Variants in ACTL8 observed in about 807,000 individuals in gnomAD.
The protein encoded by ACTL8 is actin like 8, also known as actin-like protein 8.
Under a neutral mutation model 9.3 loss-of-function variants are expected in ACTL8, and 3 were observed. The observed-to-expected ratio is 0.32, with a 90% CI of 0.15 to 0.83. The LOEUF (loss-of-function observed/expected upper bound fraction) is 0.83. Ranked by LOEUF, ACTL8 falls within the 40% of genes least tolerant of loss-of-function variation. The pLI is 0.57. For missense variants in ACTL8, 381 were observed against 492.2 expected, an observed-to-expected ratio of 0.77 and a Z score of 2.14; for synonymous variants, 224 against 205.9, an observed-to-expected ratio of 1.09 and a Z score of -0.75.
chr1:17,796,605 C>A (rs187802802), intron 1 of ACTL8, among the ~76,000 whole-genome samples: 110 of 152,350 alleles, frequency 7.2e-4, no homozygotes, highest in Non-Finnish European at 1.3e-3. Flanking sequence ...CCTCCACCCC[C>A]TCTGGGGTAA....
At chr1:17,799,498 G>T (rs995805344) in intron 1 of ACTL8, among the ~76,000 whole-genome samples, 4 of 150,652 alleles carry the variant, frequency 2.7e-5, no homozygotes, top group African/African-American at 2.4e-5. Context: ...TTCGTTCCAT[G>T]TCATTTTTAG....
intron 1 of ACTL8, among the ~76,000 whole-genome samples, chr1:17,799,053 T>C (rs568855675): frequency 1.3e-5 from 2 of 152,334 alleles, no homozygotes; most frequent in African/African-American, 2.4e-5. Context: ...GTCCCCTCTC[T>C]GGTTTTCCAC....
intron 1 of ACTL8, among the ~76,000 whole-genome samples, chr1:17,762,242 CT>C (rs919819496): frequency 3.4e-4 from 51 of 152,148 alleles, no homozygotes; most frequent in Non-Finnish European, 6.6e-4. Flanking sequence ...AGATATAGGG[CT>C]CCGGGGCCTG....
At chr1:17,757,307 A>C in intron 1 of ACTL8, among the ~76,000 whole-genome samples, 1 of 152,212 alleles carries the variant, frequency 6.6e-6, no homozygotes, top group East Asian at 1.9e-4. Flanking sequence ...GCTGAAAATA[A>C]AACAAAAAAT....
At chr1:17,760,068 A>G (rs1310434036) in intron 1 of ACTL8, among the ~76,000 whole-genome samples, 6 of 152,048 alleles carry the variant, frequency 3.9e-5, no homozygotes, top group African/African-American at 7.3e-5. Flanking sequence ...GACATTTCCA[A>G]TTTGGGGCTA....
intron 2 of ACTL8, among the ~76,000 whole-genome samples, chr1:17,825,057 G>A (rs1039580410): frequency 4.2e-5 from 6 of 141,478 alleles, no homozygotes; most frequent in Admixed American, 1.4e-4. Flanking sequence ...TGGGGAGGCT[G>A]CCAGAGCTGA....
rs531191169 is a variant in ACTL8, at chr1:17,776,732, G to A, written c.-25+21228G>A. Reference sequence around the variant, plus strand: ...TTTAAATAAGGCCGATTCTAGCACCGGTCCCTAGGGTTACCTCCTGTTTTA... The same window carrying A: ...TTTAAATAAGGCCGATTCTAGCACCAGTCCCTAGGGTTACCTCCTGTTTTA... On this transcript the variant is annotated intron_variant, in intron 1 of 2. Coordinates refer to ENST00000375406, the MANE Select transcript of ACTL8 (RefSeq NM_030812.3). 2.6e-5 allele frequency among the ~76,000 whole-genome samples: 4 copies of A among 152,162 alleles called. No homozygotes were observed. The South Asian group carries it at 6.2e-4, about 24-fold the overall frequency.
At chr1:17,757,616 C>A (rs1040837211) in intron 1 of ACTL8, among the ~76,000 whole-genome samples, 2 of 152,162 alleles carry the variant, frequency 1.3e-5, no homozygotes, top group African/African-American at 4.8e-5. Flanking sequence ...TCATCACAGC[C>A]ACCTGCTGTT....
intron 1 of ACTL8, among the ~76,000 whole-genome samples, chr1:17,785,847 C>T (rs1050847136): frequency 4.6e-5 from 7 of 152,150 alleles, no homozygotes; most frequent in African/African-American, 7.2e-5. Flanking sequence ...TTCCTTGGGT[C>T]GGGAGCCCAG....
chr1:17,774,519 G>A (rs993495492), intron 1 of ACTL8, among the ~76,000 whole-genome samples: 1 of 152,168 alleles, frequency 6.6e-6, no homozygotes. Flanking sequence ...AAGGCCCACT[G>A]AGAAGGTGCC....
intron 1 of ACTL8, among the ~76,000 whole-genome samples, chr1:17,762,128 G>A (rs769831483): frequency 1.1e-4 from 17 of 152,220 alleles, no homozygotes; most frequent in East Asian, 1.9e-4. Context: ...GGGGAGAGCC[G>A]TGAGATGGTT....
In ACTL8 at chr1:17,825,808, C is replaced by G; in HGVS notation, c.390C>G (p.Ala130=). ...TGCATGTCCCATCGGTCCTCCTGGCCGACCAGCTGCAGATGTCCCTGTATG... is the reference window on the plus strand; with the variant it reads ...TGCATGTCCCATCGGTCCTCCTGGCGGACCAGCTGCAGATGTCCCTGTATG... ...ELLHVPSVLL[A]DQLQMSLYAS... Residue 130 remains alanine (A), a synonymous_variant, in exon 3 of 3, where the codon GCC becomes GCG. Transcript: ENST00000375406. The G allele has an allele frequency of 1.2e-6, 2 of 1,613,962 alleles. No individual in the cohort carries two copies. Among genetic ancestry groups the G allele is most frequent in the East Asian group, 4.5e-5 (2 of 44,874 alleles).
In ACTL8 at chr1:17,803,670, A is replaced by T. The variant is rs114190033; in HGVS notation, c.-24-19315A>T. The stretch of plus-strand genomic sequence containing the variant: ...TATTTAGCAGCATGAGGACGGACTA[A>T]TACACCTGCCAAGGGTATAAGTGGG... On this transcript the variant is annotated intron_variant, in intron 1 of 2. Coordinates refer to ENST00000375406, the MANE Select transcript of ACTL8 (RefSeq NM_030812.3). Among the ~76,000 whole-genome samples, 552 of 152,288 alleles carry T rather than the reference A, an allele frequency of 3.6e-3. 2 individuals are homozygous for T. The highest frequency in any genetic ancestry group is 0.013 in the African/African-American group (524 of 41,554).
intron 1 of ACTL8, among the ~76,000 whole-genome samples, chr1:17,817,784 T>TC (rs2066437944): frequency 6.6e-6 from 1 of 151,588 alleles, no homozygotes; most frequent in Admixed American, 6.6e-5. Flanking sequence ...CACTGCACCC[T>TC]CCATCTCCTG....
At chr1:17,778,457 C>T (rs1258993671) in intron 1 of ACTL8, among the ~76,000 whole-genome samples, 1 of 152,040 alleles carries the variant, frequency 6.6e-6, no homozygotes, top group Non-Finnish European at 1.5e-5. Context: ...AAGACTAGAA[C>T]TGATGTCTAG....
chr1:17,784,883 G>A (rs1252733541), intron 1 of ACTL8, among the ~76,000 whole-genome samples: 9 of 152,202 alleles, frequency 5.9e-5, no homozygotes, highest in Non-Finnish European at 1.3e-4. Flanking sequence ...AAAGAAAGAA[G>A]TTGAATTGGA....
chr1:17,805,019 G>A (rs990364679), intron 1 of ACTL8, among the ~76,000 whole-genome samples: 8 of 152,130 alleles, frequency 5.3e-5, no homozygotes, highest in African/African-American at 9.6e-5. Flanking sequence ...GTGGCTCTCC[G>A]TCTCCCTAGG....
intron 1 of ACTL8, among the ~76,000 whole-genome samples, chr1:17,803,014 T>C (rs1367982917): frequency 2.0e-5 from 3 of 152,140 alleles, no homozygotes; most frequent in South Asian, 4.2e-4. Flanking sequence ...AACAGTGATA[T>C]CTGCTGCTAT....
At chr1:17,800,448 G>C (rs1198133502) in intron 1 of ACTL8, among the ~76,000 whole-genome samples, 3 of 152,106 alleles carry the variant, frequency 2.0e-5, no homozygotes, top group African/African-American at 7.2e-5. Flanking sequence ...TCTTAAACGT[G>C]AACAATGGTG....
Sources: allele counts gnomAD v4.1 joint callset (sites outside exome capture counted in the v4.1 genomes callset), GRCh38; gene constraint gnomAD v4.1.1; transcripts MANE v1.5; gene names NCBI Gene and HGNC (gene_info 2026-07-23, HGNC 2026-07-21).